Variants in EMCN observed in about 807,000 individuals in gnomAD.
The protein encoded by EMCN is endomucin.
In EMCN, 37 loss-of-function variants were observed where a neutral mutation model predicts 38.4. The observed-to-expected ratio is 0.96, with a 90% CI of 0.74 to 1.27. The LOEUF is 1.27. Among genes scored for constraint, EMCN ranks in the 50% most tolerant of loss-of-function variants. The pLI is 0.00. For missense variants in EMCN, 318 were observed against 302.8 expected (o/e 1.05, Z -0.37); for synonymous variants, 95 against 100.8 (o/e 0.94, Z 0.35).
At chr4:100,433,023 CA>C (rs1727246717) in intron 5 of EMCN, among the ~76,000 whole-genome samples, 1 of 152,114 alleles carries the variant, frequency 6.6e-6, no homozygotes, top group South Asian at 2.1e-4. Flanking sequence ...ATCCCAAATA[CA>C]GTACAATTGT....
intron 4 of EMCN, among the ~76,000 whole-genome samples, chr4:100,459,713 T>A (rs975241766): frequency 6.6e-6 from 1 of 152,212 alleles, no homozygotes; most frequent in Non-Finnish European, 1.5e-5. Context: ...TCAGTTAGCA[T>A]AATGACCTCT....
chr4:100,502,068 GGTCTT>G (rs1326402117), intron 1 of EMCN, among the ~76,000 whole-genome samples: 1 of 152,156 alleles, frequency 6.6e-6, no homozygotes, highest in Non-Finnish European at 1.5e-5. Flanking sequence ...GTTCCAAAAA[GGTCTT>G]CCTTTTCATG....
intron 2 of EMCN, among the ~76,000 whole-genome samples, chr4:100,478,357 A>C (rs1054839671): frequency 3.9e-5 from 6 of 152,178 alleles, no homozygotes; most frequent in Non-Finnish European, 8.8e-5. Context: ...TCGAGATTTT[A>C]ACCCTTAAAA....
intron 1 of EMCN, among the ~76,000 whole-genome samples, chr4:100,496,017 G>A (rs796528867): frequency 3.4e-4 from 52 of 151,938 alleles, no homozygotes; most frequent in African/African-American, 1.0e-3. Flanking sequence ...AAAATTTCTC[G>A]GCTTAAATTT....
At chr4:100,497,282 C>A (rs1322353150) in intron 1 of EMCN, among the ~76,000 whole-genome samples, 1 of 148,942 alleles carries the variant, frequency 6.7e-6, no homozygotes. Flanking sequence ...ACCTATGAGC[C>A]AGTAAGTAGC....
At chr4:100,431,748 TGC>T (rs1491179827) in intron 5 of EMCN, among the ~76,000 whole-genome samples, 6 of 55,140 alleles carry the variant, frequency 1.1e-4, no homozygotes, top group African/African-American at 3.4e-4. Flanking sequence ...TCTCCCTTTC[TGC>T]TCTCTCTCTC....
chr4:100,461,886 C>A (rs1290390843), intron 4 of EMCN, among the ~76,000 whole-genome samples: 1 of 152,162 alleles, frequency 6.6e-6, no homozygotes, highest in Non-Finnish European at 1.5e-5. Flanking sequence ...CAACATTTAA[C>A]CAACAGTAGA....
rs1261661933 is a variant in EMCN, at chr4:100,396,938, C to A, written c.*1475G>T. ...CTTCTCTCCTCTCTTCCTTTCCTTTCTTTCTTTTTTTTTTTTCTACTTCCC... is the reference window on the plus strand; with the variant it reads ...CTTCTCTCCTCTCTTCCTTTCCTTTATTTCTTTTTTTTTTTTCTACTTCCC... On this transcript the variant is annotated 3_prime_UTR_variant, in exon 12 of 12. Coordinates refer to ENST00000296420, the MANE Select transcript of EMCN (RefSeq NM_016242.4). The A allele has an allele frequency of 7.2e-6, 1 of 139,642 alleles. No homozygotes were observed. The highest frequency in any genetic ancestry group is 1.5e-5 in the Non-Finnish European group (1 of 67,138). The allele number at this position is 139,642 out of a possible 1,614,324, so 8.7% of individuals were successfully genotyped here. A position where few individuals can be genotyped will look rare whatever the true frequency, so the allele number is the denominator to read the frequency against.
intron 2 of EMCN, among the ~76,000 whole-genome samples, chr4:100,475,884 G>C (rs960633389): frequency 2.6e-5 from 4 of 151,716 alleles, no homozygotes; most frequent in African/African-American, 9.7e-5. Flanking sequence ...GGGTTTCACC[G>C]TGTTAGCGAG....
chr4:100,414,694 A>G (rs1726664686), intron 10 of EMCN, among the ~76,000 whole-genome samples: 1 of 152,030 alleles, frequency 6.6e-6, no homozygotes, highest in Non-Finnish European at 1.5e-5. Context: ...CGTTTGTTCT[A>G]GTTTGAATTT....
intron 5 of EMCN, among the ~76,000 whole-genome samples, chr4:100,424,914 T>C (rs1727001216): frequency 6.6e-6 from 1 of 152,014 alleles, no homozygotes; most frequent in Non-Finnish European, 1.5e-5. Context: ...ACAGGCTAAA[T>C]GGCAGACTCA....
chr4:100,433,810 A>G (rs1022425959), intron 5 of EMCN, among the ~76,000 whole-genome samples: 3 of 152,102 alleles, frequency 2.0e-5, no homozygotes, highest in Non-Finnish European at 4.4e-5. Flanking sequence ...TGCTGGGATT[A>G]CAGGTGTGAG....
chr4:100,495,632 C>G (rs1269186843), intron 1 of EMCN, among the ~76,000 whole-genome samples: 1 of 152,014 alleles, frequency 6.6e-6, no homozygotes, highest in Non-Finnish European at 1.5e-5. Context: ...GATGTAATCT[C>G]ATATTATGAT....
intron 1 of EMCN, among the ~76,000 whole-genome samples, chr4:100,491,152 A>G (rs771810472): frequency 2.0e-5 from 3 of 151,784 alleles, no homozygotes; most frequent in Non-Finnish European, 2.9e-5. Context: ...AGGGCTTTTT[A>G]TTTTTATGTA....
intron 4 of EMCN, among the ~76,000 whole-genome samples, chr4:100,453,983 T>A (rs1229252083): frequency 1.5e-5 from 2 of 130,268 alleles, no homozygotes; most frequent in East Asian, 4.7e-4. Flanking sequence ...TGAGAACACA[T>A]GGACACAGGA....
chr4:100,419,627 T>C (rs1982087), intron 8 of EMCN, among the ~76,000 whole-genome samples: 1 of 151,986 alleles, frequency 6.6e-6, no homozygotes, highest in Non-Finnish European at 1.5e-5. Flanking sequence ...CATATCCTGC[T>C]TACTCAACAC....
intron 1 of EMCN, among the ~76,000 whole-genome samples, chr4:100,487,411 G>A (rs1249844542): frequency 6.6e-6 from 1 of 152,212 alleles, no homozygotes; most frequent in African/African-American, 2.4e-5. Flanking sequence ...GAGGGGAGCA[G>A]CACTGCTTTG....
intron 5 of EMCN, 31 bp from the exon 6 acceptor site, chr4:100,423,435 C>T (rs1360543849): frequency 7.4e-6 from 11 of 1,490,236 alleles, no homozygotes; most frequent in Non-Finnish European, 1.0e-5. Context: ...CAGAATCAGG[C>T]TATGGTATTA....
At chr4:100,442,160 A>G (rs1727539909) in intron 5 of EMCN, among the ~76,000 whole-genome samples, 2 of 152,214 alleles carry the variant, frequency 1.3e-5, no homozygotes, top group African/African-American at 2.4e-5. Context: ...TTTGTTGAAC[A>G]TAGTATAGTT....
Sources: allele counts gnomAD v4.1 joint callset (sites outside exome capture counted in the v4.1 genomes callset), GRCh38; gene constraint gnomAD v4.1.1; transcripts MANE v1.5; gene names NCBI Gene and HGNC (gene_info 2026-07-23, HGNC 2026-07-21).